PCDH9: variants seen among roughly 807,000 people sequenced by gnomAD.
PCDH9 encodes the protein protocadherin-9.
PCDH9 carries 24 observed loss-of-function variants against 70.6 expected under a neutral mutation model. The observed-to-expected ratio is 0.34, with a 90% CI of 0.25 to 0.48. The LOEUF is 0.48. PCDH9 is among the 20% of genes least tolerant of loss of function. PCDH9 has a pLI of 0.99. For missense variants in PCDH9, 1,281 were observed against 1,503.6 expected, an observed-to-expected ratio of 0.85 and a Z score of 2.45; for synonymous variants, 562 against 558.5, an observed-to-expected ratio of 1.01 and a Z score of -0.09.
intron 4 of PCDH9, among the ~76,000 whole-genome samples, chr13:66,376,534 T>A (rs890393173): frequency 2.0e-5 from 3 of 152,034 alleles, no homozygotes; most frequent in African/African-American, 7.2e-5. Flanking sequence ...AACAGATGAC[T>A]TTTTTTCATG....
At chr13:67,165,583 G>A (rs2088090040) in intron 2 of PCDH9, among the ~76,000 whole-genome samples, 1 of 151,692 alleles carries the variant, frequency 6.6e-6, no homozygotes, top group African/African-American at 2.4e-5. Context: ...ATAACAAAGA[G>A]AACATTTTAA....
intron 4 of PCDH9, among the ~76,000 whole-genome samples, chr13:66,343,225 C>A (rs967167381): frequency 6.6e-6 from 1 of 152,122 alleles, no homozygotes; most frequent in Non-Finnish European, 1.5e-5. Flanking sequence ...ACAAATTACT[C>A]CCAAATTGAG....
chr13:66,555,412 T>G (rs1414892547), intron 4 of PCDH9, among the ~76,000 whole-genome samples: 1 of 33,898 alleles, frequency 3.0e-5, no homozygotes, highest in African/African-American at 5.6e-5. Context: ...AGTGGCTACA[T>G]TCTGGGGAAA....
At chr13:66,966,622 G>A (rs192245491) in intron 2 of PCDH9, among the ~76,000 whole-genome samples, 5 of 152,166 alleles carry the variant, frequency 3.3e-5, no homozygotes, top group African/African-American at 4.8e-5. Context: ...TTCAATTCAT[G>A]TTTGCTACAA....
At chr13:66,768,117 G>A (rs1215921467) in intron 3 of PCDH9, among the ~76,000 whole-genome samples, 3 of 151,964 alleles carry the variant, frequency 2.0e-5, no homozygotes, top group Non-Finnish European at 4.4e-5. Flanking sequence ...TCTTGTATTT[G>A]ATTTATTGGT....
intron 3 of PCDH9, among the ~76,000 whole-genome samples, chr13:66,817,447 T>C (rs1182100112): frequency 6.6e-6 from 1 of 152,190 alleles, no homozygotes; most frequent in Non-Finnish European, 1.5e-5. Flanking sequence ...CTACAGCATG[T>C]CTTACAATAC....
intron 3 of PCDH9, among the ~76,000 whole-genome samples, chr13:66,763,586 T>C (rs1474374927): frequency 1.3e-5 from 2 of 151,994 alleles, no homozygotes; most frequent in Non-Finnish European, 2.9e-5. Flanking sequence ...CTTGCCACAG[T>C]AAGTAGAGAG....
chr13:66,975,108 T>A (rs1051141657), intron 2 of PCDH9, among the ~76,000 whole-genome samples: 10 of 152,066 alleles, frequency 6.6e-5, no homozygotes, highest in Non-Finnish European at 1.3e-4. Context: ...CACCATGAAC[T>A]AGCATGATAA....
intron 2 of PCDH9, among the ~76,000 whole-genome samples, chr13:67,148,171 GTA>G (rs1327873722): frequency 6.7e-6 from 1 of 150,062 alleles, no homozygotes; most frequent in Non-Finnish European, 1.5e-5. Context: ...ATTTATAAGC[GTA>G]TCTAAGATGT....
At chr13:66,978,384 T>C (rs1793146198) in intron 2 of PCDH9, 1 of 151,992 alleles carries the variant, frequency 6.6e-6, no homozygotes, top group African/African-American at 2.4e-5. Context: ...ATTATCCATC[T>C]GCAAAATAAA....
intron 4 of PCDH9, among the ~76,000 whole-genome samples, chr13:66,464,116 C>T (rs1258432375): frequency 6.6e-6 from 1 of 151,732 alleles, no homozygotes; most frequent in Non-Finnish European, 1.5e-5. Context: ...ATATTGGAAT[C>T]CCCTCTCATT....
At chr13:67,140,038 C>T (rs1307451004) in intron 2 of PCDH9, among the ~76,000 whole-genome samples, 14 of 131,980 alleles carry the variant, frequency 1.1e-4, no homozygotes, top group African/African-American at 3.6e-4. Flanking sequence ...CCCCCCCCCC[C>T]GCCCATTGTG....
chr13:66,701,158 G>A (rs2078641597), intron 3 of PCDH9, among the ~76,000 whole-genome samples: 1 of 151,346 alleles, frequency 6.6e-6, no homozygotes, highest in African/African-American at 2.4e-5. Context: ...TTTATATGAG[G>A]AAGAGCATCA....
At chr13:66,757,485 C>T (rs2079554616) in intron 3 of PCDH9, among the ~76,000 whole-genome samples, 1 of 152,180 alleles carries the variant, frequency 6.6e-6, no homozygotes, top group African/African-American at 2.4e-5. Flanking sequence ...TGGGTTTTTA[C>T]TTTCATTTAT....
intron 4 of PCDH9, among the ~76,000 whole-genome samples, chr13:66,541,833 G>T (rs888121316): frequency 6.6e-6 from 1 of 152,278 alleles, no homozygotes; most frequent in East Asian, 1.9e-4. Flanking sequence ...ATAACTGAAA[G>T]AATTCTGAAA....
At chr13:66,986,064 G>A (rs988134395) in intron 2 of PCDH9, among the ~76,000 whole-genome samples, 1 of 152,016 alleles carries the variant, frequency 6.6e-6, no homozygotes, top group Non-Finnish European at 1.5e-5. Context: ...AAGGTTAAAT[G>A]ACTCATAGTT....
intron 3 of PCDH9, among the ~76,000 whole-genome samples, chr13:66,857,656 G>A (rs892262475): frequency 5.9e-5 from 9 of 151,872 alleles, no homozygotes; most frequent in Non-Finnish European, 8.8e-5. Flanking sequence ...TTTATTTGGG[G>A]GCTGTATATT....
chr13:67,184,129 T>C (rs1485300209), intron 2 of PCDH9, among the ~76,000 whole-genome samples: 1 of 152,208 alleles, frequency 6.6e-6, no homozygotes, highest in Non-Finnish European at 1.5e-5. Context: ...AGTGTCTCTT[T>C]CCTTAGTCTT....
intron 2 of PCDH9, among the ~76,000 whole-genome samples, chr13:66,966,707 A>G (rs945431425): frequency 6.6e-6 from 1 of 152,076 alleles, no homozygotes; most frequent in African/African-American, 2.4e-5. Context: ...ATTCACAGTG[A>G]TTTTTGTGCC....
Sources: gnomAD v4.1 joint callset for allele counts (sites outside exome capture counted in the v4.1 genomes callset) on GRCh38, gnomAD v4.1.1 for gene constraint, MANE v1.5 for transcripts, NCBI Gene and HGNC (gene_info 2026-07-23, HGNC 2026-07-21) for gene names.